Variants in CBLB observed in about 807,000 individuals in gnomAD.
The protein encoded by CBLB is E3 ubiquitin-protein ligase CBL-B.
A neutral mutation model predicts 104.9 loss-of-function variants in CBLB; 31 were observed. That is an observed-to-expected ratio of 0.30 (90% CI 0.22 to 0.40). The LOEUF is 0.40. Ranked by LOEUF, CBLB falls within the 10% of genes least tolerant of loss-of-function variation. The probability of loss-of-function intolerance (pLI) is 1.00; values close to 1 mark genes in which losing one functional copy is unlikely to be tolerated. For missense variants in CBLB, 1,062 were observed against 1,214.6 expected (o/e 0.87, Z 1.87); for synonymous variants, 440 against 422.6 (o/e 1.04, Z -0.51).
intron 2 of CBLB, among the ~76,000 whole-genome samples, chr3:105,855,824 A>C (rs2091532662): frequency 6.6e-6 from 1 of 152,224 alleles, no homozygotes; most frequent in South Asian, 2.1e-4. Context: ...AAAAAAATTC[A>C]CTTTCATAAA....
chr3:105,737,544 T>C (rs745564302), intron 7 of CBLB, among the ~76,000 whole-genome samples: 26 of 152,266 alleles, frequency 1.7e-4, no homozygotes, highest in Non-Finnish European at 1.9e-4. Context: ...AAGTTAAGAA[T>C]TTATTTCACT....
chr3:105,864,665 A>T (rs1250587729), intron 2 of CBLB, among the ~76,000 whole-genome samples: 1 of 152,170 alleles, frequency 6.6e-6, no homozygotes, highest in East Asian at 1.9e-4. Flanking sequence ...TCTTATAAGG[A>T]ACACAACTGA....
intron 18 of CBLB, among the ~76,000 whole-genome samples, chr3:105,665,230 C>G (rs778953453): frequency 6.6e-6 from 1 of 151,588 alleles, no homozygotes; most frequent in Non-Finnish European, 1.5e-5. Context: ...TGGTGAAACC[C>G]TGTCTATACT....
At chr3:105,741,980 A>T (rs1023748476) in intron 6 of CBLB, among the ~76,000 whole-genome samples, 5 of 152,254 alleles carry the variant, frequency 3.3e-5, no homozygotes, top group African/African-American at 1.2e-4. Flanking sequence ...AATCAAATCA[A>T]GTCCCTTGAA....
chr3:105,726,738 G>A (rs2073698722), intron 9 of CBLB, among the ~76,000 whole-genome samples: 2 of 152,156 alleles, frequency 1.3e-5, no homozygotes, highest in South Asian at 4.2e-4. Context: ...GGTGTGTGAT[G>A]TTCCCCTCCT....
intron 3 of CBLB, among the ~76,000 whole-genome samples, chr3:105,797,952 A>G (rs2082418276): frequency 6.6e-6 from 1 of 152,230 alleles, no homozygotes; most frequent in Non-Finnish European, 1.5e-5. Flanking sequence ...TTTACCCATT[A>G]CAACGGTAGA....
chr3:105,806,671 A>AT (rs1356957170), intron 3 of CBLB, among the ~76,000 whole-genome samples: 1 of 151,892 alleles, frequency 6.6e-6, no homozygotes, highest in African/African-American at 2.4e-5. Flanking sequence ...GTTACTTTTA[A>AT]TTTTTTTTCA....
chr3:105,689,193 A>G (rs2067368614), intron 13 of CBLB, among the ~76,000 whole-genome samples: 1 of 152,118 alleles, frequency 6.6e-6, no homozygotes, highest in South Asian at 2.1e-4. Context: ...CAAAGAGGAT[A>G]AAGGATTTTA....
At chr3:105,819,664 A>T (rs911040149) in intron 3 of CBLB, among the ~76,000 whole-genome samples, 10 of 152,332 alleles carry the variant, frequency 6.6e-5, no homozygotes, top group Non-Finnish European at 1.2e-4. Context: ...AGGAATTGAT[A>T]AGAAGCAAAA....
At chr3:105,741,362 G>C (rs2075557473) in intron 6 of CBLB, among the ~76,000 whole-genome samples, 1 of 149,564 alleles carries the variant, frequency 6.7e-6, no homozygotes, top group Non-Finnish European at 1.5e-5. Flanking sequence ...CTAATTTTTT[G>C]TATTTTTGTT....
intron 5 of CBLB, among the ~76,000 whole-genome samples, chr3:105,748,542 G>C (rs901597676): frequency 6.6e-6 from 1 of 152,142 alleles, no homozygotes; most frequent in Admixed American, 6.6e-5. Flanking sequence ...CAGCCCCAGG[G>C]AGAAGGAAGG....
At chr3:105,803,180 T>C (rs2083098364) in intron 3 of CBLB, among the ~76,000 whole-genome samples, 1 of 152,226 alleles carries the variant, frequency 6.6e-6, no homozygotes, top group Non-Finnish European at 1.5e-5. Flanking sequence ...ATTATTGTAA[T>C]ACGTAATTTT....
rs904640975 is a variant in CBLB, at chr3:105,656,092, C to T, written c.*2878G>A. 3 of 222,116 alleles carry T rather than the reference C, an allele frequency of 1.4e-5. No individual in the cohort carries two copies. The highest frequency in any genetic ancestry group is 6.7e-5 in the African/African-American group (3 of 44,626). 13.8% of individuals were successfully genotyped at this position (222,116 alleles called of 1,614,324 possible). A position where few individuals can be genotyped will look rare whatever the true frequency, so the allele number is the denominator to read the frequency against. On this transcript the variant is annotated 3_prime_UTR_variant, in exon 19 of 19. Coordinates refer to ENST00000394030, the MANE Select transcript of CBLB (RefSeq NM_170662.5). ...AAGCAAAAACTGCTTTTATTCAATTCTAGAAAAATTTGGTGAGATATATCA... is the reference window on the plus strand; with the variant it reads ...AAGCAAAAACTGCTTTTATTCAATTTTAGAAAAATTTGGTGAGATATATCA...
chr3:105,861,236 TATA>T (rs1227650421), intron 2 of CBLB, among the ~76,000 whole-genome samples: 2 of 152,178 alleles, frequency 1.3e-5, no homozygotes, highest in African/African-American at 4.8e-5. Context: ...ACAGCAAGTG[TATA>T]ATAAGATAAA....
intron 10 of CBLB, among the ~76,000 whole-genome samples, chr3:105,704,409 A>G (rs991366955): frequency 6.6e-6 from 1 of 152,216 alleles, no homozygotes; most frequent in Non-Finnish European, 1.5e-5. Context: ...GGGGCTAAGA[A>G]AAAAGAACAG....
intron 4 of CBLB, among the ~76,000 whole-genome samples, chr3:105,769,000 A>C (rs1020726104): frequency 3.9e-5 from 6 of 152,212 alleles, no homozygotes; most frequent in South Asian, 2.1e-4. Flanking sequence ...CCATCTATGC[A>C]ATTATTCATG....
chr3:105,860,079 T>C (rs2091970546), intron 2 of CBLB, among the ~76,000 whole-genome samples: 1 of 152,322 alleles, frequency 6.6e-6, no homozygotes, highest in East Asian at 1.9e-4. Context: ...AAAATATCAA[T>C]TGTGTATTCT....
rs34794014 is a variant in CBLB, at chr3:105,767,562, CTT to C, written c.566+8832_566+8833del. Among the ~76,000 whole-genome samples, 67 of 141,158 alleles carry C rather than the reference CTT, an allele frequency of 4.7e-4. 1 individual carries two copies. The highest frequency in any genetic ancestry group is 1.7e-3 in the African/African-American group (65 of 38,422). The allele number at this position is 141,158 out of a possible 152,430, so 92.6% of individuals were successfully genotyped here. A position where few individuals can be genotyped will look rare whatever the true frequency, so the allele number is the denominator to read the frequency against. On this transcript the variant is annotated intron_variant, in intron 4 of 18. Coordinates refer to ENST00000394030, the MANE Select transcript of CBLB (RefSeq NM_170662.5). ...ATTTTTAAAATTTTTCTTTTTCTTT[CTT>C]TTTTTTTTTTTGCTTTTAGATTGCT...
chr3:105,744,793 G>C (rs1381033238), intron 6 of CBLB, among the ~76,000 whole-genome samples: 1 of 152,058 alleles, frequency 6.6e-6, no homozygotes, highest in Non-Finnish European at 1.5e-5. Context: ...AGCTGGGCGT[G>C]GTGGCACACA....
Sources: allele counts gnomAD v4.1 joint callset (sites outside exome capture counted in the v4.1 genomes callset), GRCh38; gene constraint gnomAD v4.1.1; transcripts MANE v1.5; gene names NCBI Gene and HGNC (gene_info 2026-07-23, HGNC 2026-07-21).